Variants in PAPPA observed in about 807,000 individuals in gnomAD.
PAPPA encodes pappalysin-1.
Under a neutral mutation model 164.0 loss-of-function variants are expected in PAPPA, and 60 were observed. That is an observed-to-expected ratio of 0.37 (90% CI 0.30 to 0.45). The LOEUF is 0.45. PAPPA is among the 20% of genes least tolerant of loss of function. The pLI is 1.00. For synonymous variants in PAPPA, 875 were observed against 814.1 expected, an observed-to-expected ratio of 1.07 and a Z score of -1.27; for missense variants, 1,782 against 2,087.3, an observed-to-expected ratio of 0.85 and a Z score of 2.85.
chr9:116,262,619 C>T (rs933850188), intron 7 of PAPPA, among the ~76,000 whole-genome samples: 5 of 152,222 alleles, frequency 3.3e-5, no homozygotes, highest in East Asian at 1.9e-4. Context: ...CTGCTTTGGC[C>T]GTCAAGATTG....
chr9:116,233,751 G>C (rs886936442), intron 6 of PAPPA, among the ~76,000 whole-genome samples: 1 of 152,016 alleles, frequency 6.6e-6, no homozygotes, highest in Non-Finnish European at 1.5e-5. Flanking sequence ...TAACTTTCTA[G>C]TATTGACATT....
At chr9:116,350,165 A>G (rs1846263218) in intron 15 of PAPPA, among the ~76,000 whole-genome samples, 1 of 152,206 alleles carries the variant, frequency 6.6e-6, no homozygotes, top group South Asian at 2.1e-4. Context: ...CAGAGTAAGC[A>G]TCAATGACCA....
intron 9 of PAPPA, among the ~76,000 whole-genome samples, chr9:116,300,227 C>A (rs1228344353): frequency 6.6e-6 from 1 of 151,776 alleles, no homozygotes; most frequent in African/African-American, 2.4e-5. Flanking sequence ...GTTTCTTTTG[C>A]TCATTCTTTC....
At chr9:116,233,876 C>A (rs1844628083) in intron 6 of PAPPA, among the ~76,000 whole-genome samples, 1 of 151,852 alleles carries the variant, frequency 6.6e-6, no homozygotes, top group African/African-American at 2.4e-5. Context: ...CCCAACCAAC[C>A]ACTGAGGCTG....
chr9:116,277,799 C>T (rs1845218104), intron 9 of PAPPA, among the ~76,000 whole-genome samples: 1 of 152,202 alleles, frequency 6.6e-6, no homozygotes, highest in Non-Finnish European at 1.5e-5. Context: ...ACGTCAGCCT[C>T]CTGAGTAGCT....
At chr9:116,370,212 G>A (rs1244870744) in intron 19 of PAPPA, among the ~76,000 whole-genome samples, 1 of 152,130 alleles carries the variant, frequency 6.6e-6, no homozygotes, top group Non-Finnish European at 1.5e-5. Flanking sequence ...GGCACTTGCT[G>A]TGATCAGGCA....
chr9:116,284,406 C>G (rs947942491), intron 9 of PAPPA, among the ~76,000 whole-genome samples: 1 of 152,120 alleles, frequency 6.6e-6, no homozygotes, highest in African/African-American at 2.4e-5. Context: ...TTTTTCTTAA[C>G]TTTTCTGACC....
At chr9:116,331,382 G>T in intron 11 of PAPPA, 25 bp downstream of exon 11, 1 of 1,361,304 alleles carries the variant, frequency 7.3e-7, no homozygotes, top group Non-Finnish European at 1.1e-6. Flanking sequence ...TGAGAGCTTT[G>T]GAATCTCCAG....
intron 19 of PAPPA, among the ~76,000 whole-genome samples, chr9:116,370,636 A>C (rs112126667): frequency 2.0e-5 from 3 of 152,370 alleles, no homozygotes; most frequent in African/African-American, 7.2e-5. Flanking sequence ...GGGAAGATCC[A>C]GGCACTGCTG....
intron 1 of PAPPA, among the ~76,000 whole-genome samples, chr9:116,169,686 C>T (rs184436319): frequency 6.6e-6 from 1 of 151,406 alleles, no homozygotes; most frequent in African/African-American, 2.4e-5. Context: ...TGTCCATGCT[C>T]CTCCTGCAAT....
chr9:116,364,313 T>G (rs1846470385), intron 18 of PAPPA, among the ~76,000 whole-genome samples: 1 of 152,204 alleles, frequency 6.6e-6, no homozygotes, highest in South Asian at 2.1e-4. Context: ...TAAGTGACCT[T>G]TAGGGAAAAC....
chr9:116,288,440 TCCC>T (rs1587988364), intron 9 of PAPPA, among the ~76,000 whole-genome samples: 32 of 28,306 alleles, frequency 1.1e-3, no homozygotes, highest in Admixed American at 3.0e-3. Flanking sequence ...CCTCCCTCCC[TCCC>T]TCCCTTCCTT....
In PAPPA at chr9:116,198,743, A is replaced by G. The variant is rs189677658; in HGVS notation, c.1479-8713A>G. On this transcript the variant is annotated intron_variant, in intron 2 of 21. Transcript: ENST00000328252. ...CTGACACTTTGCTTTCTGTCCTAAC[A>G]ATCTCTAAAATTATTTTCCAAAAGG... Among the ~76,000 whole-genome samples the G allele has an allele frequency of 3.9e-5, 6 of 152,312 alleles. No homozygotes were observed. The East Asian group carries it at 7.7e-4, about 20-fold the overall frequency.
chr9:116,235,058 C>A (rs41280069), intron 6 of PAPPA, 81 bp from the exon 7 acceptor site: 3 of 1,527,420 alleles, frequency 2.0e-6, no homozygotes, highest in East Asian at 2.2e-5. Flanking sequence ...AGACCAATTT[C>A]TCCTGGGGTC....
At chr9:116,338,772 G>A (rs574041144) in intron 13 of PAPPA, among the ~76,000 whole-genome samples, 3 of 152,256 alleles carry the variant, frequency 2.0e-5, no homozygotes, top group Middle Eastern at 3.4e-3. Flanking sequence ...CCAAAATATT[G>A]TCCAATTCAC....
At chr9:116,166,422 C>T (rs1018133164) in intron 1 of PAPPA, among the ~76,000 whole-genome samples, 6 of 152,156 alleles carry the variant, frequency 3.9e-5, no homozygotes, top group Non-Finnish European at 7.3e-5. Flanking sequence ...TTATCAGTGT[C>T]CTTCTGAGCC....
At chr9:116,294,814 T>C (rs1845481469) in intron 9 of PAPPA, among the ~76,000 whole-genome samples, 1 of 152,202 alleles carries the variant, frequency 6.6e-6, no homozygotes, top group South Asian at 2.1e-4. Context: ...CCTTTAAAGA[T>C]CTTTTTGAAA....
chr9:116,244,369 A>G (rs1193802362), intron 7 of PAPPA, among the ~76,000 whole-genome samples: 1 of 152,172 alleles, frequency 6.6e-6, no homozygotes, highest in African/African-American at 2.4e-5. Context: ...TAAAAATTGA[A>G]CCGATAGTTC....
At chr9:116,305,490 CAT>C (rs1214900419) in intron 10 of PAPPA, among the ~76,000 whole-genome samples, 2 of 142,330 alleles carry the variant, frequency 1.4e-5, no homozygotes, top group Non-Finnish European at 3.1e-5. Context: ...CACACACACA[CAT>C]ACATACACAA....
Sources: allele counts gnomAD v4.1 joint callset (sites outside exome capture counted in the v4.1 genomes callset), GRCh38; gene constraint gnomAD v4.1.1; transcripts MANE v1.5; gene names NCBI Gene and HGNC (gene_info 2026-07-23, HGNC 2026-07-21).